Variants in GLIS3 observed in about 807,000 individuals in gnomAD.
GLIS3 encodes the protein GLIS family zinc finger 3.
GLIS3 carries 53 observed loss-of-function variants against 78.6 expected under a neutral mutation model. The ratio of observed to expected loss-of-function variants is 0.67; its 90% CI spans 0.54 to 0.85. The LOEUF (loss-of-function observed/expected upper bound fraction) is 0.85, where lower values mean the gene tolerates loss of function less well. Among genes scored for constraint, GLIS3 ranks in the 40% least tolerant of loss-of-function variants. The pLI is 0.00. For synonymous variants in GLIS3, 684 were observed against 509.9 expected, an observed-to-expected ratio of 1.34 and a Z score of -4.60; for missense variants, 1,703 against 1,231.1, an observed-to-expected ratio of 1.38 and a Z score of -5.74.
the GLIS3 span, among the ~76,000 whole-genome samples, chr9:4,460,353 T>C: frequency 6.6e-6 from 1 of 152,182 alleles, no homozygotes; most frequent in Non-Finnish European, 1.5e-5. Context: ...CAAAATCAGA[T>C]TGAACAAGAA....
intron 2 of GLIS3, among the ~76,000 whole-genome samples, chr9:4,179,887 G>T (rs566621014): frequency 6.7e-6 from 1 of 148,318 alleles, no homozygotes; most frequent in African/African-American, 2.5e-5. Context: ...TCCAGCCTGG[G>T]TGAGAGAGCG....
chr9:4,340,670 G>T (rs1587394699), intron 2 of GLIS3, among the ~76,000 whole-genome samples: 1 of 152,100 alleles, frequency 6.6e-6, no homozygotes, highest in Non-Finnish European at 1.5e-5. Flanking sequence ...GTCGGAACCA[G>T]ATCCCACCTG....
intron 9 of GLIS3, among the ~76,000 whole-genome samples, chr9:3,832,025 G>T (rs1443326850): frequency 6.6e-6 from 1 of 151,406 alleles, no homozygotes; most frequent in Non-Finnish European, 1.5e-5. Context: ...TGGATCCTGG[G>T]GTTCAAATCC....
intron 2 of GLIS3, among the ~76,000 whole-genome samples, chr9:4,278,267 C>A (rs1011272680): frequency 6.6e-6 from 1 of 152,218 alleles, no homozygotes; most frequent in Non-Finnish European, 1.5e-5. Flanking sequence ...TGACATCCCA[C>A]AGTCAACAAG....
At chr9:4,046,939 C>T (rs1340380316) in intron 4 of GLIS3, among the ~76,000 whole-genome samples, 1 of 152,120 alleles carries the variant, frequency 6.6e-6, no homozygotes, top group East Asian at 1.9e-4. Context: ...ACAGTTTAAG[C>T]CCTGGCAGAT....
chr9:4,292,087 A>G (rs536396800), intron 1 of GLIS3, among the ~76,000 whole-genome samples: 1 of 152,170 alleles, frequency 6.6e-6, no homozygotes. Flanking sequence ...AAAAACGTAA[A>G]TAAGTTCAGA....
At chr9:4,026,761 C>G (rs1480475914) in intron 4 of GLIS3, among the ~76,000 whole-genome samples, 1 of 152,116 alleles carries the variant, frequency 6.6e-6, no homozygotes, top group Non-Finnish European at 1.5e-5. Context: ...ATCATTTTAT[C>G]CATTCAAATT....
At chr9:4,398,668 T>C in the GLIS3 span, among the ~76,000 whole-genome samples, 2 of 151,872 alleles carry the variant, frequency 1.3e-5, no homozygotes, top group East Asian at 1.9e-4. Context: ...TGTGAAGTAG[T>C]TGCTTAAGCT....
chr9:3,997,061 G>A (rs1450697295), intron 4 of GLIS3, among the ~76,000 whole-genome samples: 1 of 152,072 alleles, frequency 6.6e-6, no homozygotes, highest in Non-Finnish European at 1.5e-5. Flanking sequence ...TAAAAATTGA[G>A]TTGCGGCCGG....
intron 2 of GLIS3, among the ~76,000 whole-genome samples, chr9:4,320,412 C>T (rs1383528765): frequency 3.9e-4 from 60 of 152,194 alleles, no homozygotes; most frequent in Admixed American, 3.9e-3. Flanking sequence ...TGAACTCTTA[C>T]TTTCCCCTTC....
chr9:4,411,977 T>C, the GLIS3 span, among the ~76,000 whole-genome samples: 20 of 152,350 alleles, frequency 1.3e-4, 1 homozygote, highest in Middle Eastern at 3.4e-3. Context: ...GTTTTAAACA[T>C]AGAAAACATT....
intron 4 of GLIS3, among the ~76,000 whole-genome samples, chr9:4,083,158 C>T (rs1310271606): frequency 6.6e-6 from 1 of 152,134 alleles, no homozygotes; most frequent in Non-Finnish European, 1.5e-5. Flanking sequence ...AGAACTCATG[C>T]CTGTGGTTTC....
chr9:4,245,488 C>T (rs184797364), intron 2 of GLIS3, among the ~76,000 whole-genome samples: 1 of 152,268 alleles, frequency 6.6e-6, no homozygotes, highest in East Asian at 1.9e-4. Flanking sequence ...GTACAGGAAA[C>T]AACGTAGACA....
chr9:4,458,195 G>A, the GLIS3 span, among the ~76,000 whole-genome samples: 1 of 152,104 alleles, frequency 6.6e-6, no homozygotes, highest in Non-Finnish European at 1.5e-5. Flanking sequence ...CTACTTGGGA[G>A]AAAACATGGC....
At chr9:4,464,730 A>C in the GLIS3 span, among the ~76,000 whole-genome samples, 7 of 152,226 alleles carry the variant, frequency 4.6e-5, no homozygotes, top group African/African-American at 1.7e-4. Flanking sequence ...ATTGAATAAA[A>C]AGAAAATAAG....
rs73384245 is a variant in GLIS3 at position 3,875,403 on chromosome 9, C to T, written c.2297+4024G>A. On this transcript the variant is annotated intron_variant, in intron 8 of 10. Transcript: ENST00000381971. Reference sequence around the variant, plus strand: ...CGCTAACTGGGTAGATGTGGTGGACCTTTCCTGACTTCTGACAGTGACTCA... The same window carrying T: ...CGCTAACTGGGTAGATGTGGTGGACTTTTCCTGACTTCTGACAGTGACTCA... Among the ~76,000 whole-genome samples, 424 of 152,084 alleles carry T rather than the reference C, an allele frequency of 2.8e-3. 3 individuals are homozygous for T. Among genetic ancestry groups the T allele is most frequent in the African/African-American group, 9.7e-3 (403 of 41,510 alleles).
the GLIS3 span, among the ~76,000 whole-genome samples, chr9:4,372,240 G>C: frequency 3.3e-5 from 5 of 152,306 alleles, no homozygotes; most frequent in South Asian, 1.0e-3. Context: ...CCCGTGCTCA[G>C]ATGGGCTTGG....
the GLIS3 span, among the ~76,000 whole-genome samples, chr9:4,478,708 T>G: frequency 6.6e-6 from 1 of 152,200 alleles, no homozygotes; most frequent in Non-Finnish European, 1.5e-5. Flanking sequence ...TTATCCTGCC[T>G]TTTCTGTATA....
chr9:4,047,083 G>C (rs563974321), intron 4 of GLIS3, among the ~76,000 whole-genome samples: 1 of 152,276 alleles, frequency 6.6e-6, no homozygotes, highest in East Asian at 1.9e-4. Flanking sequence ...CCCATGAGTT[G>C]AGGGAGAAAC....
Sources: allele counts gnomAD v4.1 joint callset (sites outside exome capture counted in the v4.1 genomes callset), GRCh38; gene constraint gnomAD v4.1.1; transcripts MANE v1.5; gene names NCBI Gene and HGNC (gene_info 2026-07-23, HGNC 2026-07-21).